The following SLCO1C1 variants were observed in gnomAD, a reference collection of about 807,000 sequenced individuals.
The protein encoded by SLCO1C1 is OAT-RP-5.
A neutral mutation model predicts 76.4 loss-of-function variants in SLCO1C1; 70 were observed. The ratio of observed to expected loss-of-function variants is 0.92; its 90% CI spans 0.76 to 1.12. SLCO1C1 has a LOEUF of 1.12. Ranked by LOEUF, SLCO1C1 falls within the 50% of genes most tolerant of loss-of-function variation. SLCO1C1 has a pLI of 0.00. For synonymous variants in SLCO1C1, 306 were observed against 286.1 expected, an observed-to-expected ratio of 1.07 and a Z score of -0.70; for missense variants, 912 against 823.8, an observed-to-expected ratio of 1.11 and a Z score of -1.31.
chr12:20,739,380 T>G (rs921629883), intron 11 of SLCO1C1, among the ~76,000 whole-genome samples: 2 of 151,560 alleles, frequency 1.3e-5, no homozygotes, highest in Non-Finnish European at 2.9e-5. Context: ...GATGGAGAGA[T>G]GGGAGTTGTT....
intron 4 of SLCO1C1, 135 bp from the exon 5 acceptor site, chr12:20,711,251 G>T: frequency 1.0e-6 from 1 of 983,272 alleles, no homozygotes; most frequent in Non-Finnish European, 1.5e-6. Context: ...TTAAACACTG[G>T]CTTGATTTGG....
At chr12:20,700,798 T>C (rs1312981710) in intron 2 of SLCO1C1, among the ~76,000 whole-genome samples, 1 of 152,048 alleles carries the variant, frequency 6.6e-6, no homozygotes, top group African/African-American at 2.4e-5. Flanking sequence ...TTGAGAAAAA[T>C]ATTTGACTAT....
intron 5 of SLCO1C1, among the ~76,000 whole-genome samples, chr12:20,714,463 A>C (rs1947272496): frequency 6.6e-6 from 1 of 152,206 alleles, no homozygotes; most frequent in Non-Finnish European, 1.5e-5. Flanking sequence ...AAGCATTTAA[A>C]AATGGTTAGC....
At position 20,743,360 on chromosome 12, in the gene SLCO1C1, A is replaced by C. The variant is rs1948905875; in HGVS notation, c.1789A>C (p.Arg597=). ...FALGIYTLAI[R]VLAGIPAPVY... is the part of the protein sequence containing the mutation. Reference sequence around the variant, plus strand: ...CTTGGGTATCTACACATTAGCAATAAGAGTTCTTGGTAAGTTTAACCTATG... The same window carrying C: ...CTTGGGTATCTACACATTAGCAATACGAGTTCTTGGTAAGTTTAACCTATG... Residue 597 remains arginine, a synonymous_variant, in exon 13 of 15, where the codon AGA becomes CGA. Coordinates refer to ENST00000266509, the MANE Select transcript of SLCO1C1 (RefSeq NM_017435.5). 1 of 1,612,548 alleles carries C rather than the reference A, an allele frequency of 6.2e-7. No homozygotes were observed. Among genetic ancestry groups the C allele is most frequent in the Admixed American group, 1.7e-5 (1 of 59,986 alleles).
chr12:20,710,200 C>CTTTTTTTT (rs914645913), intron 4 of SLCO1C1, among the ~76,000 whole-genome samples: 101 of 75,450 alleles, frequency 1.3e-3, no homozygotes, highest in Non-Finnish European at 1.6e-3. Context: ...CTCTACTTTT[C>CTTTTTTTT]TTTTTTTTTT....
Position 20,752,505 on chromosome 12 carries a change from C to G in SLCO1C1, c.2116C>G (p.Pro706Ala), listed in dbSNP as rs752120789. The G allele has an allele frequency of 2.3e-5, 37 of 1,588,632 alleles. No homozygotes were observed. The highest frequency in any genetic ancestry group is 2.8e-5 in the Non-Finnish European group (33 of 1,166,100). Residue 706 changes from proline (P) to alanine (A), a missense_variant, in exon 15 of 15, where the codon CCA (proline) becomes GCA (alanine). Transcript: ENST00000266509. ...SDHLLQPNYW[P>A]GKETQL ...TCATCTGCTACAACCCAACTACTGG[C>G]CAGGCAAGGAAACTCAACTTTAGAA...
At chr12:20,699,829 ATTTACT>A in intron 2 of SLCO1C1, 124 bp downstream of exon 2, 12 of 1,175,710 alleles carry the variant, frequency 1.0e-5, no homozygotes, top group Non-Finnish European at 1.4e-5. Flanking sequence ...CTTAGATGCA[ATTTACT>A]AAAACCACAC....
At chr12:20,751,349 T>C (rs577340553) in intron 14 of SLCO1C1, among the ~76,000 whole-genome samples, 38 of 152,240 alleles carry the variant, frequency 2.5e-4, no homozygotes, top group African/African-American at 9.1e-4. Flanking sequence ...TTTTTCACTA[T>C]GGTATCATTC....
chr12:20,714,602 C>A (rs1947277818), intron 5 of SLCO1C1, among the ~76,000 whole-genome samples: 2 of 152,000 alleles, frequency 1.3e-5, no homozygotes, highest in South Asian at 4.1e-4. Context: ...TATTCACTAA[C>A]AAACAAATAT....
At chr12:20,726,723 A>C (rs1374585327) in intron 9 of SLCO1C1, among the ~76,000 whole-genome samples, 2 of 151,752 alleles carry the variant, frequency 1.3e-5, no homozygotes, top group African/African-American at 4.8e-5. Context: ...TTTATTTTGG[A>C]ATAGGGAGTA....
intron 3 of SLCO1C1, among the ~76,000 whole-genome samples, chr12:20,704,529 T>C (rs1946684928): frequency 6.6e-6 from 1 of 151,804 alleles, no homozygotes; most frequent in African/African-American, 2.4e-5. Flanking sequence ...AGACATCTTG[T>C]GCTAAATTAT....
intron 9 of SLCO1C1, among the ~76,000 whole-genome samples, chr12:20,730,599 G>T (rs1473820910): frequency 3.3e-5 from 5 of 152,074 alleles, no homozygotes; most frequent in Admixed American, 1.3e-4. Flanking sequence ...CATCTCTGCT[G>T]CTTGCCATAC....
intron 3 of SLCO1C1, among the ~76,000 whole-genome samples, chr12:20,705,496 T>C (rs1302945124): frequency 6.6e-6 from 1 of 152,030 alleles, no homozygotes; most frequent in Non-Finnish European, 1.5e-5. Flanking sequence ...TTGTGTTTAA[T>C]TTTTCTATAA....
chr12:20,701,587 T>G, intron 3 of SLCO1C1, 128 bp downstream of exon 3: 1 of 835,194 alleles, frequency 1.2e-6, no homozygotes, highest in Non-Finnish European at 1.7e-6. Flanking sequence ...TTTTTTTTTT[T>G]GGACAGAATT....
chr12:20,749,317 C>T (rs193119364), intron 13 of SLCO1C1, among the ~76,000 whole-genome samples: 20 of 152,170 alleles, frequency 1.3e-4, no homozygotes, highest in Non-Finnish European at 5.9e-5. Flanking sequence ...TTGATGGAAA[C>T]GAGTGATGTA....
intron 10 of SLCO1C1, 93 bp downstream of exon 10, chr12:20,733,197 C>T (rs1048929266): frequency 1.7e-5 from 21 of 1,211,946 alleles, no homozygotes; most frequent in Non-Finnish European, 2.3e-5. Flanking sequence ...GATTTTTAAA[C>T]ATCATAACTA....
intron 3 of SLCO1C1, among the ~76,000 whole-genome samples, chr12:20,702,337 A>G (rs1946565384): frequency 6.6e-6 from 1 of 151,956 alleles, no homozygotes; most frequent in Non-Finnish European, 1.5e-5. Flanking sequence ...TACTCTGAAT[A>G]TCACAGAAAA....
chr12:20,723,068 CTA>C lies in SLCO1C1; in HGVS notation c.1022-20_1022-19del. On this transcript the variant is annotated intron_variant, in intron 8 of 14. Coordinates refer to ENST00000266509, the MANE Select transcript of SLCO1C1 (RefSeq NM_017435.5). ...ATGCGTGACACCAACTTTAATTAGT[CTA>C]TGTTATTTTTGTTTTACAGATTTTC... The C allele has an allele frequency of 1.9e-6, 3 of 1,597,496 alleles. No individual in the cohort carries two copies. The highest frequency in any genetic ancestry group is 1.1e-5 in the South Asian group (1 of 89,018).
At chr12:20,741,491 T>TA (rs1299383702) in intron 12 of SLCO1C1, among the ~76,000 whole-genome samples, 4 of 152,132 alleles carry the variant, frequency 2.6e-5, no homozygotes, top group African/African-American at 9.7e-5. Flanking sequence ...TAATGGGACC[T>TA]AAAAAATAGT....
Sources: allele counts gnomAD v4.1 joint callset (sites outside exome capture counted in the v4.1 genomes callset), GRCh38; gene constraint gnomAD v4.1.1; transcripts MANE v1.5; gene names NCBI Gene and HGNC (gene_info 2026-07-23, HGNC 2026-07-21).